The following PAX5 variants were observed in gnomAD, a reference collection of about 807,000 sequenced individuals.
The protein encoded by PAX5 is paired box protein Pax-5.
A neutral mutation model predicts 43.7 loss-of-function variants in PAX5; 9 were observed. That is an observed-to-expected ratio of 0.21 (90% CI 0.12 to 0.36). The LOEUF (loss-of-function observed/expected upper bound fraction) is 0.36. Ranked by LOEUF, PAX5 falls within the 10% of genes least tolerant of loss-of-function variation. The probability of loss-of-function intolerance (pLI) is 1.00; values close to 1 mark genes in which losing one functional copy is unlikely to be tolerated. For missense variants in PAX5, 383 were observed against 532.7 expected, an observed-to-expected ratio of 0.72 and a Z score of 2.77; for synonymous variants, 228 against 214.3, an observed-to-expected ratio of 1.06 and a Z score of -0.56.
intron 7 of PAX5, among the ~76,000 whole-genome samples, chr9:36,914,801 G>A (rs1196403628): frequency 8.8e-5 from 10 of 113,896 alleles, no homozygotes; most frequent in Non-Finnish European, 1.6e-4. Context: ...CTCTCCCACC[G>A]GATCTTCACA....
intron 6 of PAX5, among the ~76,000 whole-genome samples, chr9:36,939,589 C>T (rs1407659363): frequency 6.6e-6 from 1 of 152,124 alleles, no homozygotes; most frequent in Non-Finnish European, 1.5e-5. Flanking sequence ...TCATTTGGTT[C>T]TAATATCTGC....
chr9:36,923,228 C>T, intron 7 of PAX5, 127 bp downstream of exon 7: 2 of 1,201,360 alleles, frequency 1.7e-6, no homozygotes, highest in African/African-American at 1.5e-5. Flanking sequence ...GTTCCCAGGC[C>T]TCATAACCTT....
rs1405335351 is a variant in PAX5, at chr9:36,924,761, A to AAGGG, written c.781-1278_781-1277insCCCT. The stretch of plus-strand genomic sequence containing the variant: ...GAAGGAAGGAAGGAAGGAAGGAAGG[A>AAGGG]AGGAAGGAAGGAAGGAAGGAAAAGA... On this transcript the variant is annotated intron_variant, in intron 6 of 9. Coordinates refer to ENST00000358127, the MANE Select transcript of PAX5 (RefSeq NM_016734.3). 5.2e-5 allele frequency among the ~76,000 whole-genome samples: 3 copies of AAGGG among 58,206 alleles called. No homozygotes were observed. The Admixed American group carries it at 6.1e-4, about 12-fold the overall frequency. 38.2% of individuals were successfully genotyped at this position (58,206 alleles called of 152,430 possible).
chr9:36,986,142 G>GCCGCGC (rs1836389485), intron 5 of PAX5, among the ~76,000 whole-genome samples: 1 of 151,760 alleles, frequency 6.6e-6, no homozygotes, highest in Admixed American at 6.6e-5. Flanking sequence ...CCCGGCTGCC[G>GCCGCGC]CCGCGCCCGC....
chr9:36,963,242 T>G (rs2132172441), intron 6 of PAX5, among the ~76,000 whole-genome samples: 1 of 152,294 alleles, frequency 6.6e-6, no homozygotes, highest in South Asian at 2.1e-4. Flanking sequence ...GAGCGCACAG[T>G]CAGAGACAGG....
At chr9:36,987,159 C>T (rs1431423699) in intron 5 of PAX5, among the ~76,000 whole-genome samples, 1 of 152,190 alleles carries the variant, frequency 6.6e-6, no homozygotes, top group Non-Finnish European at 1.5e-5. Context: ...CGTGCCTATA[C>T]GCTGCATTCA....
In PAX5 at chr9:36,836,559, C is replaced by G. The variant is rs1821655310; in HGVS notation, c.*4001G>C. 1 of 232,966 alleles carries G rather than the reference C, an allele frequency of 4.3e-6. No homozygotes were observed. The highest frequency in any genetic ancestry group is 2.2e-5 in the African/African-American group (1 of 45,314). The allele number at this position is 232,966 out of a possible 1,614,324, so 14.4% of individuals were successfully genotyped here. ...CTTGAATGCCACTCAGGGGGGCAGGCACACTTCTGGGCATCTCGGGCACTG... is the reference window on the plus strand; with the variant it reads ...CTTGAATGCCACTCAGGGGGGCAGGGACACTTCTGGGCATCTCGGGCACTG... On this transcript the variant is annotated 3_prime_UTR_variant, in exon 10 of 10. Coordinates refer to ENST00000358127, the MANE Select transcript of PAX5 (RefSeq NM_016734.3).
chr9:36,887,378 C>G (rs1025850129), intron 7 of PAX5, among the ~76,000 whole-genome samples: 48 of 152,250 alleles, frequency 3.2e-4, no homozygotes, highest in Admixed American at 3.1e-3. Context: ...AAGGTAGGAT[C>G]TCGAATCACT....
chr9:36,862,394 A>G (rs1318322826), intron 8 of PAX5, among the ~76,000 whole-genome samples: 1 of 152,000 alleles, frequency 6.6e-6, no homozygotes, highest in African/African-American at 2.4e-5. Flanking sequence ...CGGCCTTCCT[A>G]TTTCAGAAGT....
chr9:36,861,808 T>G (rs976485119), intron 8 of PAX5, among the ~76,000 whole-genome samples: 4 of 151,942 alleles, frequency 2.6e-5, no homozygotes, highest in African/African-American at 9.7e-5. Flanking sequence ...ACTCTGAGTG[T>G]GCACAGGAGG....
intron 6 of PAX5, among the ~76,000 whole-genome samples, chr9:36,944,088 G>T (rs1252300628): frequency 6.6e-6 from 1 of 152,252 alleles, no homozygotes; most frequent in South Asian, 2.1e-4. Flanking sequence ...GAAGGCTGAC[G>T]CAGGAAGATT....
At chr9:37,012,035 C>T (rs1006619193) in intron 3 of PAX5, among the ~76,000 whole-genome samples, 3 of 152,010 alleles carry the variant, frequency 2.0e-5, no homozygotes, top group South Asian at 2.1e-4. Flanking sequence ...GGAAGGCAGC[C>T]GCATGAGATT....
intron 6 of PAX5, among the ~76,000 whole-genome samples, chr9:36,937,434 T>G (rs1831651259): frequency 6.6e-6 from 1 of 152,158 alleles, no homozygotes; most frequent in Non-Finnish European, 1.5e-5. Flanking sequence ...ACACTGAGGT[T>G]GACAGAAGTT....
intron 6 of PAX5, among the ~76,000 whole-genome samples, chr9:36,939,247 T>C (rs1294148454): frequency 1.3e-5 from 2 of 152,212 alleles, no homozygotes; most frequent in Admixed American, 1.3e-4. Context: ...TCATGAAATA[T>C]GTGTGGGTTT....
chr9:36,917,852 T>A (rs1829843606), intron 7 of PAX5, among the ~76,000 whole-genome samples: 1 of 152,262 alleles, frequency 6.6e-6, no homozygotes, highest in Non-Finnish European at 1.5e-5. Flanking sequence ...ATTTTGGTAA[T>A]TTTTGCGACA....
At position 36,883,321 on chromosome 9, in the gene PAX5, C is replaced by T. The variant is rs901501243; in HGVS notation, c.911-1216G>A. Among the ~76,000 whole-genome samples the T allele has an allele frequency of 2.6e-5, 4 of 152,004 alleles. No individual in the cohort carries two copies. In the South Asian group the frequency reaches 8.3e-4, roughly 32 times the overall value. On this transcript the variant is annotated intron_variant, in intron 7 of 9. Transcript: ENST00000358127. ...GTGCCTCACCAAAGCACTCAAGAAG[C>T]CAGATAAAAATCTATAAAATGAACC...
intron 1 of PAX5, among the ~76,000 whole-genome samples, chr9:37,025,700 C>T (rs912140721): frequency 2.6e-5 from 4 of 152,230 alleles, no homozygotes; most frequent in Non-Finnish European, 5.9e-5. Flanking sequence ...TTGGCAGGAT[C>T]CCTGCGGGCC....
At chr9:36,964,527 G>T (rs1834246389) in intron 6 of PAX5, among the ~76,000 whole-genome samples, 1 of 151,548 alleles carries the variant, frequency 6.6e-6, no homozygotes, top group African/African-American at 2.4e-5. Flanking sequence ...AGGAGGTGGA[G>T]GTTGCAGTGA....
At chr9:36,989,951 C>A (rs376543662) in intron 5 of PAX5, among the ~76,000 whole-genome samples, 4 of 152,080 alleles carry the variant, frequency 2.6e-5, no homozygotes, top group Non-Finnish European at 4.4e-5. Flanking sequence ...GGAAAACAGG[C>A]GAGTGACAAA....
Sources: allele counts gnomAD v4.1 joint callset (sites outside exome capture counted in the v4.1 genomes callset), GRCh38; gene constraint gnomAD v4.1.1; transcripts MANE v1.5; gene names NCBI Gene and HGNC (gene_info 2026-07-23, HGNC 2026-07-21).